Variants in DNAH14 observed in about 807,000 individuals in gnomAD.
The protein encoded by DNAH14 is axonemal beta dynein heavy chain 14.
DNAH14 carries 478 observed loss-of-function variants against 520.9 expected under a neutral mutation model. The ratio of observed to expected loss-of-function variants is 0.92; its 90% confidence interval spans 0.85 to 0.99. The LOEUF is 0.99. Among genes scored for constraint, DNAH14 ranks in the 50% least tolerant of loss-of-function variants. The pLI is 0.00. For synonymous variants in DNAH14, 1,581 were observed against 1,757.2 expected (o/e 0.90, Z 2.51); for missense variants, 4,831 against 5,234.5 (o/e 0.92, Z 2.38).
intron 54 of DNAH14, among the ~76,000 whole-genome samples, chr1:225,285,307 G>A (rs1343287978): frequency 6.6e-6 from 1 of 152,120 alleles, no homozygotes; most frequent in African/African-American, 2.4e-5. Context: ...CCAGAACTTT[G>A]GGAGGCCAAA....
intron 65 of DNAH14, among the ~76,000 whole-genome samples, chr1:225,331,909 T>C (rs982927021): frequency 3.3e-5 from 5 of 151,966 alleles, no homozygotes; most frequent in East Asian, 1.9e-4. Context: ...GCTGAACATA[T>C]AAAACATGGG....
chr1:225,089,756 T>G (rs1302489248), intron 21 of DNAH14, among the ~76,000 whole-genome samples: 3 of 151,974 alleles, frequency 2.0e-5, no homozygotes, highest in Non-Finnish European at 2.9e-5. Context: ...TTTAAAAAAT[T>G]TTTTACAGAA....
chr1:225,205,644 G>A (rs1039969034), intron 39 of DNAH14, among the ~76,000 whole-genome samples: 5 of 152,048 alleles, frequency 3.3e-5, no homozygotes, highest in Admixed American at 2.0e-4. Flanking sequence ...AATATTCTGG[G>A]GTAGAAGGGC....
intron 35 of DNAH14, among the ~76,000 whole-genome samples, chr1:225,164,774 T>C (rs2081881903): frequency 6.6e-6 from 1 of 152,138 alleles, no homozygotes; most frequent in Non-Finnish European, 1.5e-5. Flanking sequence ...TTTAGTACAC[T>C]CTTTGGTCTT....
intron 10 of DNAH14, among the ~76,000 whole-genome samples, chr1:225,015,416 T>G (rs951790131): frequency 6.6e-6 from 1 of 152,206 alleles, no homozygotes; most frequent in African/African-American, 2.4e-5. Context: ...TTTTCCGTAG[T>G]GATAAGGTTT....
chr1:225,323,594 G>C (rs1295696443), intron 62 of DNAH14, among the ~76,000 whole-genome samples: 1 of 152,138 alleles, frequency 6.6e-6, no homozygotes, highest in South Asian at 2.1e-4. Context: ...CTCCCGAGTA[G>C]CTGGGGCTAC....
At chr1:225,333,875 T>C (rs972641231) in intron 66 of DNAH14, among the ~76,000 whole-genome samples, 2 of 152,182 alleles carry the variant, frequency 1.3e-5, no homozygotes, top group Non-Finnish European at 2.9e-5. Context: ...TAGAACTACA[T>C]TTATTAACTT....
chr1:225,248,438 T>A (rs568055736), intron 43 of DNAH14, among the ~76,000 whole-genome samples: 3 of 152,268 alleles, frequency 2.0e-5, no homozygotes, highest in African/African-American at 7.2e-5. Context: ...TGTGCTAAGG[T>A]CTTTGTTGTG....
At chr1:225,178,535 G>T (rs576168189) in intron 36 of DNAH14, among the ~76,000 whole-genome samples, 1 of 152,228 alleles carries the variant, frequency 6.6e-6, no homozygotes, top group South Asian at 2.1e-4. Context: ...TGAGATTTGG[G>T]TGCAGACACA....
intron 74 of DNAH14, among the ~76,000 whole-genome samples, chr1:225,360,117 T>C (rs2095476268): frequency 6.6e-6 from 1 of 152,214 alleles, no homozygotes; most frequent in South Asian, 2.1e-4. Context: ...TCTGTTCCTG[T>C]GTTAGTTTGC....
At chr1:225,124,424 C>G (rs1335857246) in intron 27 of DNAH14, among the ~76,000 whole-genome samples, 1 of 152,228 alleles carries the variant, frequency 6.6e-6, no homozygotes, top group African/African-American at 2.4e-5. Flanking sequence ...GCTTTATCAA[C>G]TAAGTTTATG....
chr1:225,336,492 G>GA (rs11382842), intron 66 of DNAH14, among the ~76,000 whole-genome samples: 96,746 of 151,792 alleles, frequency 0.64, 31,611 homozygotes, highest in East Asian at 0.78. Flanking sequence ...GAACTATAGG[G>GA]AAAAAATAGA....
chr1:225,256,521 G>A (rs1399307454), intron 44 of DNAH14, among the ~76,000 whole-genome samples: 2 of 151,992 alleles, frequency 1.3e-5, no homozygotes, highest in African/African-American at 2.4e-5. Context: ...CGAGAAATAT[G>A]CAAAAATCAA....
chr1:225,068,295 C>T (rs1055221715), intron 17 of DNAH14, among the ~76,000 whole-genome samples: 2 of 152,050 alleles, frequency 1.3e-5, no homozygotes, highest in African/African-American at 4.8e-5. Flanking sequence ...CTGTTCTGTT[C>T]CCTTGGTCTA....
chr1:225,042,725 G>C, intron 12 of DNAH14, 110 bp from the exon 13 acceptor site: 1 of 1,184,410 alleles, frequency 8.4e-7, no homozygotes, highest in Non-Finnish European at 1.2e-6. Context: ...GTGTTACTCG[G>C]TTATACTGGA....
At chr1:225,132,230 G>A (rs1012020075) in intron 27 of DNAH14, among the ~76,000 whole-genome samples, 1 of 151,920 alleles carries the variant, frequency 6.6e-6, no homozygotes, top group Non-Finnish European at 1.5e-5. Context: ...AAGTTCAGGG[G>A]TACATGTGCA....
At chr1:225,299,569 T>C (rs1486007653) in intron 55 of DNAH14, among the ~76,000 whole-genome samples, 1 of 152,198 alleles carries the variant, frequency 6.6e-6, no homozygotes, top group African/African-American at 2.4e-5. Context: ...ACTTTCTTTC[T>C]GGATTTTAGA....
chr1:225,088,915 T>A (rs3101907), intron 21 of DNAH14, among the ~76,000 whole-genome samples: 141,798 of 152,328 alleles, frequency 0.93, 66,213 homozygotes, highest in Non-Finnish European at 0.96. Context: ...GAATAACCAT[T>A]ATATGTACTA....
Position 225,079,517 on chromosome 1 carries a change from T to C in DNAH14, c.2735T>C (p.Leu912Pro). The C allele has an allele frequency of 2.6e-6, 4 of 1,519,284 alleles. No homozygotes were observed. Among genetic ancestry groups the C allele is most frequent in the Non-Finnish European group, 3.5e-6 (4 of 1,139,240 alleles). The allele number at this position is 1,519,284 out of a possible 1,614,324, so 94.1% of individuals were successfully genotyped here. ...AACTTGGAAGCATGTATCAGTGGTC[T>C]ACATGTTGATGTTGGCAATTTAAAA... Reference protein sequence around the residue: ...RDNLEACISGLHVDVGNLKAK... With the variant: ...RDNLEACISGPHVDVGNLKAK... Residue 912 changes from leucine (L) to proline (P), a missense_variant, in exon 18 of 86, where the codon CTA becomes CCA. Physicochemically the swap from Leu to Pro is moderately conservative, Grantham distance 98. Transcript: ENST00000682510.
Sources: gnomAD v4.1 joint callset for allele counts (sites outside exome capture counted in the v4.1 genomes callset) on GRCh38, gnomAD v4.1.1 for gene constraint, MANE v1.5 for transcripts, NCBI Gene and HGNC (gene_info 2026-07-23, HGNC 2026-07-21) for gene names.